TTC13: variants seen among roughly 807,000 people sequenced by gnomAD.
TTC13 encodes tetratricopeptide repeat domain 13.
In TTC13, 62 loss-of-function variants were observed where a neutral mutation model predicts 120.0. The observed-to-expected ratio is 0.52, with a 90% CI of 0.42 to 0.64. The LOEUF (loss-of-function observed/expected upper bound fraction) is 0.64. Ranked by LOEUF, TTC13 falls within the 30% of genes least tolerant of loss-of-function variation. TTC13 has a pLI of 0.00. For missense variants in TTC13, 824 were observed against 1,050.2 expected, an observed-to-expected ratio of 0.78 and a Z score of 2.98; for synonymous variants, 384 against 393.5, an observed-to-expected ratio of 0.98 and a Z score of 0.28.
In TTC13 at chr1:230,921,456, A is replaced by C; in HGVS notation, c.1863T>G (p.Leu621=). 3 of 1,552,758 alleles carry C rather than the reference A, an allele frequency of 1.9e-6. No homozygotes were observed. The highest frequency in any genetic ancestry group is 2.6e-6 in the Non-Finnish European group (3 of 1,141,516). ...CAAGAATTCTGTCTTTAATAAAATG[A>C]AGTATTTTCTCAAAATATTCTAGGT... ...MRYLEYFEKI[L]HFIKDRILVY... is the part of the protein sequence containing the mutation. Residue 621 remains leucine, a synonymous_variant, in exon 16 of 23, where the codon CTT becomes CTG. Transcript: ENST00000366661.
chr1:230,947,640 C>T (rs1449482072), intron 4 of TTC13, among the ~76,000 whole-genome samples: 2 of 152,128 alleles, frequency 1.3e-5, no homozygotes, highest in Non-Finnish European at 2.9e-5. Context: ...TCCTGGGCTG[C>T]ATGTGGCCCA....
intron 17 of TTC13, among the ~76,000 whole-genome samples, chr1:230,917,437 C>T (rs1332790456): frequency 6.6e-6 from 1 of 152,130 alleles, no homozygotes; most frequent in East Asian, 1.9e-4. Flanking sequence ...CGCTGACATA[C>T]ACGTTAACTT....
At chr1:230,963,262 T>C (rs898168691) in intron 1 of TTC13, among the ~76,000 whole-genome samples, 6 of 152,142 alleles carry the variant, frequency 3.9e-5, no homozygotes, top group Non-Finnish European at 7.3e-5. Context: ...AAACAAGACA[T>C]GATATGGTGA....
intron 11 of TTC13, among the ~76,000 whole-genome samples, chr1:230,929,322 A>ATTTTT (rs66812339): frequency 0.073 from 10,584 of 144,372 alleles, 917 homozygotes; most frequent in African/African-American, 0.2. Flanking sequence ...CTTTGGCTAC[A>ATTTTT]TTTTTTTTTT....
At chr1:230,931,274 C>A in intron 11 of TTC13, 24 bp downstream of exon 11, 2 of 1,607,816 alleles carry the variant, frequency 1.2e-6, no homozygotes, top group Non-Finnish European at 1.7e-6. Context: ...GAAAATCCAA[C>A]AATTCTGTGA....
intron 11 of TTC13, 60 bp from the exon 12 acceptor site, chr1:230,929,153 C>G: frequency 6.6e-7 from 1 of 1,523,022 alleles, no homozygotes; most frequent in Non-Finnish European, 9.0e-7. Flanking sequence ...TTTCTTATGG[C>G]TAGCTGCCAT....
intron 1 of TTC13, among the ~76,000 whole-genome samples, chr1:230,974,552 T>C (rs1016044795): frequency 2.0e-5 from 3 of 152,252 alleles, no homozygotes; most frequent in South Asian, 2.1e-4. Flanking sequence ...GGCTATACCA[T>C]ACAACCAAGG....
At chr1:230,974,942 T>C (rs1481111216) in intron 1 of TTC13, among the ~76,000 whole-genome samples, 14 of 152,234 alleles carry the variant, frequency 9.2e-5, no homozygotes, top group Admixed American at 9.2e-4. Context: ...GACTTCATCA[T>C]TAATATTAGT....
rs1375633168 is a variant in TTC13, at chr1:230,978,534, T to A, written c.271+26A>T. 1 of 811,406 alleles carries A rather than the reference T, an allele frequency of 1.2e-6. No individual in the cohort carries two copies. The highest frequency in any genetic ancestry group is 1.8e-5 in the African/African-American group (1 of 55,296). 50.3% of individuals were successfully genotyped at this position (811,406 alleles called of 1,614,324 possible). ...CCGCTGCCCCGCCGCCCCGGCCGAC[T>A]CGGACGCCCGCCGCCGCCCACTCAC... On this transcript the variant is annotated intron_variant, in intron 1 of 22. Coordinates refer to ENST00000366661, the MANE Select transcript of TTC13 (RefSeq NM_024525.5). This position sits in a 1 kb window ranked among gnomAD's most constrained non-coding sequence, Gnocchi z 5.6.
chr1:230,920,897 T>C (rs1009355333), intron 16 of TTC13, among the ~76,000 whole-genome samples: 3 of 152,228 alleles, frequency 2.0e-5, no homozygotes, highest in Non-Finnish European at 2.9e-5. Context: ...GGTTATGAGT[T>C]TGGTTCTTAA....
chr1:230,967,561 CA>C (rs1677247357), intron 1 of TTC13, among the ~76,000 whole-genome samples: 3 of 152,118 alleles, frequency 2.0e-5, no homozygotes, highest in Non-Finnish European at 4.4e-5. Context: ...ACTTCTAAAA[CA>C]AACTCTGATT....
chr1:230,962,278 A>AC, intron 1 of TTC13, among the ~76,000 whole-genome samples: 2 of 152,262 alleles, frequency 1.3e-5, no homozygotes, highest in East Asian at 3.9e-4. Context: ...TTACAACCCA[A>AC]CTAAAACAAC....
chr1:230,946,859 A>G (rs942717421), intron 4 of TTC13, among the ~76,000 whole-genome samples: 1 of 152,084 alleles, frequency 6.6e-6, no homozygotes, highest in African/African-American at 2.4e-5. Flanking sequence ...TGCTCATGCT[A>G]TTTTCTAAGA....
intron 8 of TTC13, among the ~76,000 whole-genome samples, chr1:230,938,007 C>T (rs1223317605): frequency 6.6e-6 from 1 of 152,202 alleles, no homozygotes; most frequent in Admixed American, 6.5e-5. Flanking sequence ...AGGCACTGCC[C>T]TTAACACTGA....
chr1:230,934,477 A>G (rs1219743528), intron 8 of TTC13, among the ~76,000 whole-genome samples: 2 of 152,238 alleles, frequency 1.3e-5, no homozygotes, highest in Non-Finnish European at 2.9e-5. Context: ...TGTGGCTAAG[A>G]AAGTGAGAAC....
chr1:230,945,228 G>A (rs1171800376), intron 5 of TTC13, among the ~76,000 whole-genome samples, 161 bp downstream of exon 5: 1 of 152,080 alleles, frequency 6.6e-6, no homozygotes, highest in Non-Finnish European at 1.5e-5. Context: ...GAAATCCCCA[G>A]TCCACCACTT....
rs60736833 is a variant in TTC13, at chr1:230,958,304, GAA to G, written c.367-7_367-6del. The G allele has an allele frequency of 0.014, 20,074 of 1,420,254 alleles. No individual in the cohort carries two copies. Among genetic ancestry groups the G allele is most frequent in the South Asian group, 0.027 (2,021 of 75,636 alleles). The allele number at this position is 1,420,254 out of a possible 1,614,324, so 88.0% of individuals were successfully genotyped here. A position where few individuals can be genotyped will look rare whatever the true frequency, so the allele number is the denominator to read the frequency against. On this transcript the variant is annotated splice_polypyrimidine_tract_variant and splice_region_variant and intron_variant, in intron 2 of 22. Transcript: ENST00000366661. ...TGCAATAGACTTGGCCTGGCTCTGG[GAA>G]AAAAAAAAAAAAAACCCATACATTT...
chr1:230,953,739 T>C (rs549818996), intron 4 of TTC13, among the ~76,000 whole-genome samples: 39 of 152,318 alleles, frequency 2.6e-4, no homozygotes, highest in African/African-American at 9.1e-4. Flanking sequence ...AGGCCAATGA[T>C]GCTGGGCAGC....
intron 20 of TTC13, among the ~76,000 whole-genome samples, chr1:230,909,897 G>A (rs930573352): frequency 2.0e-5 from 3 of 150,940 alleles, no homozygotes; most frequent in Non-Finnish European, 4.4e-5. Context: ...TGCAGGTCTG[G>A]GGTAGGAGGC....
Sources: allele counts gnomAD v4.1 joint callset (sites outside exome capture counted in the v4.1 genomes callset), GRCh38; gene constraint gnomAD v4.1.1; non-coding constraint Gnocchi (gnomAD v3.1); transcripts MANE v1.5; gene names NCBI Gene and HGNC (gene_info 2026-07-23, HGNC 2026-07-21).